The following DNAH7 variants were observed in gnomAD, a reference collection of about 807,000 sequenced individuals.
The protein encoded by DNAH7 is axonemal beta dynein heavy chain 7.
Under a neutral mutation model 444.6 loss-of-function variants are expected in DNAH7, and 397 were observed. That is an observed-to-expected ratio of 0.89 (90% CI 0.82 to 0.97). DNAH7 has a LOEUF of 0.97. Ranked by LOEUF, DNAH7 falls within the 50% of genes least tolerant of loss-of-function variation. The pLI, the probability that DNAH7 is intolerant of heterozygous loss-of-function variation, is 0.00. For synonymous variants in DNAH7, 1,636 were observed against 1,624.4 expected (o/e 1.01, Z -0.17); for missense variants, 4,902 against 4,800.8 (o/e 1.02, Z -0.62).
At chr2:196,036,285 C>G (rs1696384707) in intron 5 of DNAH7, among the ~76,000 whole-genome samples, 1 of 152,128 alleles carries the variant, frequency 6.6e-6, no homozygotes, top group South Asian at 2.1e-4. Flanking sequence ...CTGTCCACCT[C>G]AGCCTCTCAA....
chr2:195,934,546 A>G (rs771457902), intron 21 of DNAH7, 45 bp downstream of exon 21: 9 of 1,564,598 alleles, frequency 5.8e-6, no homozygotes, highest in Non-Finnish European at 7.9e-6. Flanking sequence ...AATAACATTC[A>G]TATTCTAGCA....
intron 62 of DNAH7, 71 bp from the exon 63 acceptor site, chr2:195,754,585 A>C: frequency 6.8e-7 from 1 of 1,468,660 alleles, no homozygotes; most frequent in South Asian, 1.4e-5. Flanking sequence ...TTGAGACAGG[A>C]TCTCTGGTTG....
chr2:195,824,575 T>C (rs893722237), intron 48 of DNAH7, 130 bp from the exon 49 acceptor site: 15 of 787,574 alleles, frequency 1.9e-5, no homozygotes, highest in Non-Finnish European at 2.4e-5. Context: ...AAATTACTTT[T>C]GTCTTCTGAA....
chr2:195,999,125 T>C, intron 12 of DNAH7: 1 of 717,384 alleles, frequency 1.4e-6, no homozygotes, highest in Non-Finnish European at 2.6e-6. Flanking sequence ...CCAAGAACAC[T>C]GAAGGGTGAC....
At chr2:195,739,067 G>T (rs1430198368) in intron 64 of DNAH7, among the ~76,000 whole-genome samples, 1 of 152,144 alleles carries the variant, frequency 6.6e-6, no homozygotes, top group African/African-American at 2.4e-5. Context: ...TTTTTCTAAT[G>T]AGAATTTTTA....
At chr2:196,031,780 C>T (rs771467163) in intron 5 of DNAH7, among the ~76,000 whole-genome samples, 2 of 152,210 alleles carry the variant, frequency 1.3e-5, no homozygotes, top group Non-Finnish European at 2.9e-5. Context: ...CAGCCTGGAT[C>T]TTATTGTCCA....
intron 9 of DNAH7, among the ~76,000 whole-genome samples, chr2:196,013,139 AG>A (rs1459224959): frequency 6.6e-6 from 1 of 152,186 alleles, no homozygotes; most frequent in African/African-American, 2.4e-5. Flanking sequence ...AGTAGAAGAA[AG>A]TTGCAATAAC....
At chr2:195,763,250 C>G (rs946655662) in intron 61 of DNAH7, among the ~76,000 whole-genome samples, 19 of 152,010 alleles carry the variant, frequency 1.2e-4, no homozygotes, top group Admixed American at 9.8e-4. Flanking sequence ...TGTTTCTAAA[C>G]TATGTTTGTA....
intron 9 of DNAH7, among the ~76,000 whole-genome samples, chr2:196,013,284 A>G (rs1290224059): frequency 6.6e-6 from 1 of 152,178 alleles, no homozygotes; most frequent in Non-Finnish European, 1.5e-5. Flanking sequence ...CTGAAAAGAA[A>G]GTGGCCCTCA....
At chr2:195,998,509 G>T (rs1161723559) in intron 12 of DNAH7, among the ~76,000 whole-genome samples, 4 of 149,612 alleles carry the variant, frequency 2.7e-5, no homozygotes, top group Non-Finnish European at 5.9e-5. Context: ...CAAGGAGGCA[G>T]AGCCAAGATA....
In DNAH7 at chr2:196,018,992, A is replaced by G. The variant is rs559884883; in HGVS notation, c.869+178T>C. 1.4e-4 allele frequency among the ~76,000 whole-genome samples: 21 copies of G among 152,172 alleles called. 2 individuals carry two copies. In the South Asian group the frequency reaches 4.1e-3, roughly 30 times the overall value. ...AAAAAATTTAAAATTTTAGAAAAGC[A>G]GTGTTCACTTTTTGCTCTATATACT... On this transcript the variant is annotated intron_variant, in intron 9 of 64. Coordinates refer to ENST00000312428, the MANE Select transcript of DNAH7 (RefSeq NM_018897.3).
At chr2:195,862,450 AG>A (rs1165203961) in intron 41 of DNAH7, among the ~76,000 whole-genome samples, 1 of 152,180 alleles carries the variant, frequency 6.6e-6, no homozygotes, top group Admixed American at 6.6e-5. Context: ...CATAGCTGCA[AG>A]AGTGAGCTTT....
At chr2:195,857,347 C>T in intron 44 of DNAH7, 30 bp downstream of exon 44, 1 of 1,505,916 alleles carries the variant, frequency 6.6e-7, no homozygotes, top group Non-Finnish European at 8.9e-7. Context: ...ACAGACCATA[C>T]CAGCTGGATT....
intron 58 of DNAH7, among the ~76,000 whole-genome samples, chr2:195,778,711 TATATACAC>T (rs1559089954): frequency 2.0e-5 from 1 of 49,868 alleles, no homozygotes; most frequent in East Asian, 2.7e-3. Context: ...TATACACATA[TATATACAC>T]ATATATATAT....
chr2:195,770,866 ATTT>A (rs202188677), intron 61 of DNAH7, among the ~76,000 whole-genome samples: 2 of 133,632 alleles, frequency 1.5e-5, no homozygotes, highest in African/African-American at 5.4e-5. Context: ...AATGCCCAGC[ATTT>A]TTTTTTTTTT....
chr2:195,779,773 T>C (rs1349758614), intron 58 of DNAH7, among the ~76,000 whole-genome samples: 1 of 152,072 alleles, frequency 6.6e-6, no homozygotes, highest in Non-Finnish European at 1.5e-5. Context: ...GCCCGGCTAA[T>C]TTTTGTATTT....
In DNAH7 at chr2:195,882,019, G is replaced by A. The variant is rs369660850; in HGVS notation, c.5764-27C>T. Reference sequence around the variant, plus strand: ...TGTTTATAATTAACAACCAAGTAATGAATGCTATAAAATACTTTAAAAAGC... The same window carrying A: ...TGTTTATAATTAACAACCAAGTAATAAATGCTATAAAATACTTTAAAAAGC... On this transcript the variant is annotated intron_variant, in intron 35 of 64. Transcript: ENST00000312428. 290 of 1,586,744 alleles carry A rather than the reference G, an allele frequency of 1.8e-4. 1 individual carries two copies. Among genetic ancestry groups the A allele is most frequent in the East Asian group, 6.3e-4 (28 of 44,686 alleles).
chr2:195,923,004 A>C (rs1230234415), intron 23 of DNAH7, among the ~76,000 whole-genome samples: 2 of 152,032 alleles, frequency 1.3e-5, no homozygotes, highest in African/African-American at 4.8e-5. Context: ...TGGGGCTACA[A>C]GCACGCCCCA....
At chr2:195,840,179 T>C (rs146268406) in intron 47 of DNAH7, among the ~76,000 whole-genome samples, 3,052 of 151,836 alleles carry the variant, frequency 0.02, 46 homozygotes, top group Non-Finnish European at 0.03. Context: ...GAGTTTAATC[T>C]GGAAATGCAA....
Sources: gnomAD v4.1 joint callset for allele counts (sites outside exome capture counted in the v4.1 genomes callset) on GRCh38, gnomAD v4.1.1 for gene constraint, MANE v1.5 for transcripts, NCBI Gene and HGNC (gene_info 2026-07-23, HGNC 2026-07-21) for gene names.